The following STAB2 variants were observed in gnomAD, a reference collection of about 807,000 sequenced individuals.
STAB2 encodes the protein stabilin 2.
In STAB2, 288 loss-of-function variants were observed where a neutral mutation model predicts 338.1. The observed-to-expected ratio is 0.85, with a 90% CI of 0.77 to 0.94. The LOEUF (loss-of-function observed/expected upper bound fraction) is 0.94. Among genes scored for constraint, STAB2 ranks in the 40% least tolerant of loss-of-function variants. The pLI, the probability that STAB2 is intolerant of heterozygous loss-of-function variation, is 0.00. For missense variants in STAB2, 3,141 were observed against 3,210.1 expected, an observed-to-expected ratio of 0.98 and a Z score of 0.52; for synonymous variants, 1,202 against 1,193.3, an observed-to-expected ratio of 1.01 and a Z score of -0.15.
chr12:103,626,256 A>T, intron 5 of STAB2, among the ~76,000 whole-genome samples: 1 of 152,204 alleles, frequency 6.6e-6, no homozygotes, highest in East Asian at 1.9e-4. Flanking sequence ...AGGAGTTAAA[A>T]TTCAAATTTC....
intron 28 of STAB2, among the ~76,000 whole-genome samples, chr12:103,689,154 G>A (rs1877698974): frequency 1.3e-5 from 2 of 152,066 alleles, no homozygotes; most frequent in South Asian, 4.1e-4. Context: ...TGTTCCTGCA[G>A]TCTCCCCACC....
At position 103,683,218 on chromosome 12, in the gene STAB2, G is replaced by T; in HGVS notation, c.2819G>T (p.Cys940Phe). 1 of 1,612,890 alleles carries T rather than the reference G, an allele frequency of 6.2e-7. No individual in the cohort carries two copies. ...YVGPGQNECE[C>F]KKGFRGNGID... ...TTAAAATTATAGAATGAGTGTGAGT[G>T]CAAGAAAGGATTTCGAGGAAATGGG... The change falls in exon 26 of 69, where the codon TGC becomes TTC. Residue 940 changes from cysteine (C) to phenylalanine (F), a missense_variant. Coordinates refer to ENST00000388887, the MANE Select transcript of STAB2 (RefSeq NM_017564.10).
chr12:103,598,059 C>G (rs191185568), intron 3 of STAB2, among the ~76,000 whole-genome samples: 1 of 152,280 alleles, frequency 6.6e-6, no homozygotes, highest in East Asian at 1.9e-4. Context: ...TAATAGACCA[C>G]AAGGATTTGA....
chr12:103,683,130 C>T, intron 25 of STAB2, 75 bp from the exon 26 acceptor site: 1 of 1,321,866 alleles, frequency 7.6e-7, no homozygotes, highest in Non-Finnish European at 1.1e-6. Context: ...GTACGTTTCT[C>T]AGTGCTGTGT....
At chr12:103,616,194 C>T (rs1957208110) in intron 3 of STAB2, among the ~76,000 whole-genome samples, 1 of 152,174 alleles carries the variant, frequency 6.6e-6, no homozygotes, top group Admixed American at 6.5e-5. Flanking sequence ...GGGAAGCTCT[C>T]CAATTCCTCT....
In STAB2 at chr12:103,750,709, T is replaced by G. The variant is rs766790182; in HGVS notation, c.6569T>G (p.Leu2190Arg). 2 of 1,613,420 alleles carry G rather than the reference T, an allele frequency of 1.2e-6. No individual in the cohort carries two copies. Among genetic ancestry groups the G allele is most frequent in the South Asian group, 2.2e-5 (2 of 91,030 alleles). Reference protein sequence around the residue: ...QCHADAKCVDLHFQDTTVGVF... With the variant: ...QCHADAKCVDRHFQDTTVGVF... ...CATGCAGACGCCAAATGTGTCGACC[T>G]CCACTTCCAGGGTTAGTGTGACCAG... Residue 2190 changes from leucine (L) to arginine (R), a missense_variant, in exon 60 of 69, where the codon CTC (leucine) becomes CGC (arginine). Coordinates refer to ENST00000388887, the MANE Select transcript of STAB2 (RefSeq NM_017564.10).
intron 6 of STAB2, among the ~76,000 whole-genome samples, chr12:103,635,713 A>G (rs1274115162): frequency 6.6e-6 from 1 of 152,210 alleles, no homozygotes; most frequent in Non-Finnish European, 1.5e-5. Flanking sequence ...CCCAGGCCTG[A>G]ACCACACACA....
At chr12:103,701,977 TACACACACACACAC>T (rs71097990) in intron 34 of STAB2, among the ~76,000 whole-genome samples, 48,657 of 143,952 alleles carry the variant, frequency 0.34, 9,326 homozygotes, top group Non-Finnish European at 0.43. Context: ...TCAGCCCTGC[TACACACACACACAC>T]ACACACACAC....
At chr12:103,707,541 C>G (rs1205993410) in intron 38 of STAB2, among the ~76,000 whole-genome samples, 1 of 152,158 alleles carries the variant, frequency 6.6e-6, no homozygotes, top group East Asian at 1.9e-4. Context: ...GAGGGTTGCT[C>G]TATTGTTTCA....
rs191817854 is a variant in STAB2, at chr12:103,603,311, C to T, written c.331+8801C>T. On this transcript the variant is annotated intron_variant, in intron 3 of 68. Transcript: ENST00000388887. ...GGTCTCGATCTCCTGACCTCGTGAT[C>T]TGCCCACCTCAGCCTCCCAAAGTGC... Among the ~76,000 whole-genome samples, 29 of 152,302 alleles carry T rather than the reference C, an allele frequency of 1.9e-4. No homozygotes were observed. The East Asian group carries it at 4.4e-3, about 23-fold the overall frequency.
chr12:103,697,147 G>A (rs957219108), intron 33 of STAB2, among the ~76,000 whole-genome samples: 1 of 152,138 alleles, frequency 6.6e-6, no homozygotes, highest in Non-Finnish European at 1.5e-5. Flanking sequence ...GCCACCTGAG[G>A]TGAGCTGCTC....
intron 47 of STAB2, among the ~76,000 whole-genome samples, chr12:103,727,608 C>T (rs1481778571): frequency 6.6e-6 from 1 of 152,180 alleles, no homozygotes; most frequent in Non-Finnish European, 1.5e-5. Flanking sequence ...AGAAGATTAA[C>T]AATTCTCAAG....
intron 30 of STAB2, among the ~76,000 whole-genome samples, chr12:103,691,030 A>G (rs1877894100): frequency 6.6e-6 from 1 of 152,214 alleles, no homozygotes; most frequent in African/African-American, 2.4e-5. Context: ...ACCTACTACT[A>G]TGTACCAGGC....
At chr12:103,660,599 A>AT (rs1375929115) in intron 16 of STAB2, 84 bp from the exon 17 acceptor site, 6 of 1,482,786 alleles carry the variant, frequency 4.0e-6, no homozygotes, top group Middle Eastern at 1.7e-4. Context: ...TTTGAAACCT[A>AT]TTTTTTCTAG....
chr12:103,649,045 G>A (rs912443427), intron 10 of STAB2, among the ~76,000 whole-genome samples: 4 of 152,226 alleles, frequency 2.6e-5, no homozygotes, highest in Admixed American at 2.6e-4. Flanking sequence ...TTAGCAGGCA[G>A]AGAGCTGAGG....
rs765778401 is a variant in STAB2, at chr12:103,650,461, G to A, written c.1175-35G>A. ...TCCTCCTGTACCACTGACTCATTTG[G>A]CGTTTTCTTTCTTTGTGTTATTTCG... On this transcript the variant is annotated intron_variant, in intron 10 of 68. Transcript: ENST00000388887. 21 of 1,594,922 alleles carry A rather than the reference G, an allele frequency of 1.3e-5. No individual in the cohort carries two copies. In the South Asian group the frequency reaches 2.2e-4, roughly 17 times the overall value.
chr12:103,751,686 T>C (rs757929862), intron 60 of STAB2, among the ~76,000 whole-genome samples: 5 of 152,228 alleles, frequency 3.3e-5, no homozygotes, highest in Non-Finnish European at 7.3e-5. Flanking sequence ...CAAGAAGAGC[T>C]TGGCTTTTTC....
At chr12:103,674,997 T>G (rs1876200131) in intron 23 of STAB2, among the ~76,000 whole-genome samples, 1 of 152,240 alleles carries the variant, frequency 6.6e-6, no homozygotes, top group Non-Finnish European at 1.5e-5. Context: ...CACAGAGGAC[T>G]GTCGGCATGG....
At chr12:103,723,070 T>C (rs1880893638) in intron 44 of STAB2, among the ~76,000 whole-genome samples, 1 of 152,086 alleles carries the variant, frequency 6.6e-6, no homozygotes, top group African/African-American at 2.4e-5. Context: ...GATGGGGAGA[T>C]GAGGTGGTTC....
Sources: allele counts gnomAD v4.1 joint callset (sites outside exome capture counted in the v4.1 genomes callset), GRCh38; gene constraint gnomAD v4.1.1; transcripts MANE v1.5; gene names NCBI Gene and HGNC (gene_info 2026-07-23, HGNC 2026-07-21).